TBC1D32: variants seen among roughly 807,000 people sequenced by gnomAD.
The protein encoded by TBC1D32 is protein broad-minded.
Under a neutral mutation model 170.3 loss-of-function variants are expected in TBC1D32, and 151 were observed. The ratio of observed to expected loss-of-function variants is 0.89; its 90% CI spans 0.78 to 1.01. The LOEUF (loss-of-function observed/expected upper bound fraction) is 1.01. Among genes scored for constraint, TBC1D32 ranks in the 50% least tolerant of loss-of-function variants. TBC1D32 has a pLI of 0.00. For missense variants in TBC1D32, 1,464 were observed against 1,457.1 expected (o/e 1.00, Z -0.08); for synonymous variants, 498 against 488.0 (o/e 1.02, Z -0.27).
chr6:121,096,249 CT>C lies in TBC1D32; in HGVS notation c.3466-5209del, dbSNP rs1443862144. Reference sequence around the variant, plus strand: ...GTGTTTATAATATTCTCTGATGGTACTTTGTATTTCTGTGGGATCAATGGTG... The same window carrying C: ...GTGTTTATAATATTCTCTGATGGTACTTGTATTTCTGTGGGATCAATGGTG... On this transcript the variant is annotated intron_variant, in intron 30 of 31. Transcript: ENST00000398212. 8 of 151,710 alleles carry C rather than the reference CT, an allele frequency of 5.3e-5. No individual in the cohort carries two copies. In the South Asian group the frequency reaches 1.7e-3, roughly 32 times the overall value. 9.4% of individuals were successfully genotyped at this position (151,710 alleles called of 1,614,324 possible).
intron 20 of TBC1D32, among the ~76,000 whole-genome samples, chr6:121,236,574 GT>G (rs1796353517): frequency 6.6e-6 from 1 of 152,080 alleles, no homozygotes; most frequent in Non-Finnish European, 1.5e-5. Flanking sequence ...CTCTAGGGCT[GT>G]TTACTACAAT....
intron 22 of TBC1D32, among the ~76,000 whole-genome samples, chr6:121,162,194 C>A (rs1377012054): frequency 6.6e-6 from 1 of 152,102 alleles, no homozygotes; most frequent in East Asian, 1.9e-4. Context: ...GCTTTTTAGT[C>A]TAATTAGATC....
intron 3 of TBC1D32, among the ~76,000 whole-genome samples, chr6:121,312,761 T>C (rs1403953924): frequency 6.6e-6 from 1 of 152,214 alleles, no homozygotes; most frequent in Non-Finnish European, 1.5e-5. Flanking sequence ...TAGTTTTCTT[T>C]AAATCAAGAG....
At chr6:121,230,557 A>G (rs1795608819) in intron 20 of TBC1D32, among the ~76,000 whole-genome samples, 2 of 152,032 alleles carry the variant, frequency 1.3e-5, no homozygotes, top group East Asian at 1.9e-4. Flanking sequence ...GAATCAGAAC[A>G]TATTTATTTT....
chr6:121,323,352 C>T (rs1009023023), intron 1 of TBC1D32, among the ~76,000 whole-genome samples: 3 of 152,194 alleles, frequency 2.0e-5, no homozygotes, highest in Non-Finnish European at 4.4e-5. Flanking sequence ...ATCCCAAACA[C>T]TGTAGTCATA....
intron 12 of TBC1D32, among the ~76,000 whole-genome samples, chr6:121,288,754 A>G (rs1303957095): frequency 1.3e-5 from 2 of 151,976 alleles, no homozygotes; most frequent in Non-Finnish European, 2.9e-5. Flanking sequence ...AAAATCCTCA[A>G]TAAAATACTG....
chr6:121,175,338 A>C (rs1787622121), intron 22 of TBC1D32, among the ~76,000 whole-genome samples: 1 of 152,208 alleles, frequency 6.6e-6, no homozygotes. Flanking sequence ...CAACTGTATG[A>C]GTAAATACAT....
intron 1 of TBC1D32, among the ~76,000 whole-genome samples, chr6:121,326,780 A>T (rs2128509603): frequency 6.6e-6 from 1 of 152,184 alleles, no homozygotes; most frequent in South Asian, 2.1e-4. Flanking sequence ...GAAAAAAAAA[A>T]AATCTCCAGG....
chr6:121,189,879 G>A (rs1157911815), intron 22 of TBC1D32, among the ~76,000 whole-genome samples: 1 of 151,890 alleles, frequency 6.6e-6, no homozygotes, highest in African/African-American at 2.4e-5. Context: ...AGGACACTAA[G>A]AATTTTGCAC....
chr6:121,136,697 A>G (rs1477260447), intron 24 of TBC1D32, among the ~76,000 whole-genome samples: 2 of 152,200 alleles, frequency 1.3e-5, no homozygotes, highest in African/African-American at 4.8e-5. Context: ...AGATCATGAG[A>G]AAATGTTCTA....
At chr6:121,208,809 C>T (rs1026618246) in intron 21 of TBC1D32, among the ~76,000 whole-genome samples, 1 of 150,922 alleles carries the variant, frequency 6.6e-6, no homozygotes, top group African/African-American at 2.4e-5. Context: ...CCTGCTGGCA[C>T]CTTGTTTTCA....
At chr6:121,081,998 A>G (rs957082169) in intron 31 of TBC1D32, among the ~76,000 whole-genome samples, 1 of 152,086 alleles carries the variant, frequency 6.6e-6, no homozygotes, top group Non-Finnish European at 1.5e-5. Context: ...TTATATACTT[A>G]ATACCATTAA....
chr6:121,264,610 A>G (rs1304390143), intron 15 of TBC1D32, among the ~76,000 whole-genome samples: 1 of 152,226 alleles, frequency 6.6e-6, no homozygotes, highest in East Asian at 1.9e-4. Context: ...GAGACACAAC[A>G]AAAAAAGAAA....
At chr6:121,302,009 C>T (rs550923889) in intron 9 of TBC1D32, among the ~76,000 whole-genome samples, 1 of 152,126 alleles carries the variant, frequency 6.6e-6, no homozygotes, top group African/African-American at 2.4e-5. Flanking sequence ...GGGTTTTAAA[C>T]CTTGTAGCTT....
At chr6:121,116,905 G>A (rs1480954403) in intron 26 of TBC1D32, among the ~76,000 whole-genome samples, 1 of 152,140 alleles carries the variant, frequency 6.6e-6, no homozygotes, top group East Asian at 1.9e-4. Context: ...TGTATCTTCA[G>A]AGTAAAAAAT....
At chr6:121,178,816 C>G (rs1349603169) in intron 22 of TBC1D32, among the ~76,000 whole-genome samples, 1 of 152,162 alleles carries the variant, frequency 6.6e-6, no homozygotes, top group Non-Finnish European at 1.5e-5. Context: ...GACCTCCAGA[C>G]TTTAGCTAGC....
At chr6:121,263,962 C>G (rs965363275) in intron 15 of TBC1D32, among the ~76,000 whole-genome samples, 14 of 152,102 alleles carry the variant, frequency 9.2e-5, no homozygotes, top group Non-Finnish European at 1.3e-4. Flanking sequence ...ATTGATAGCA[C>G]TAAATGCCCA....
rs771493102 is a variant in TBC1D32, at chr6:121,310,893, G to A, written c.496-46C>T. Reference sequence around the variant, plus strand: ...CATTCATTTATTTAGAAGGCTTTTAGAACTATTGCTATAAGTTATTTTTTC... The same window carrying A: ...CATTCATTTATTTAGAAGGCTTTTAAAACTATTGCTATAAGTTATTTTTTC... On this transcript the variant is annotated intron_variant, in intron 3 of 31. Coordinates refer to ENST00000398212, the MANE Select transcript of TBC1D32 (RefSeq NM_152730.6). 4.9e-6 allele frequency: 5 copies of A among 1,024,810 alleles called. No individual in the cohort carries two copies. The East Asian group carries it at 1.2e-4, about 25-fold the overall frequency. The allele number at this position is 1,024,810 out of a possible 1,614,324, so 63.5% of individuals were successfully genotyped here.
intron 22 of TBC1D32, among the ~76,000 whole-genome samples, chr6:121,161,726 C>T (rs149866836): frequency 0.024 from 3,668 of 152,218 alleles, 70 homozygotes; most frequent in Non-Finnish European, 0.033. Flanking sequence ...GGGTCAAATG[C>T]TATTTCTGTC....
Sources: allele counts gnomAD v4.1 joint callset (sites outside exome capture counted in the v4.1 genomes callset), GRCh38; gene constraint gnomAD v4.1.1; transcripts MANE v1.5; gene names NCBI Gene and HGNC (gene_info 2026-07-23, HGNC 2026-07-21).